Variants in MGA observed in about 807,000 individuals in gnomAD.
MGA encodes the protein MAX dimerization protein MGA.
A neutral mutation model predicts 261.1 loss-of-function variants in MGA; 40 were observed. The ratio of observed to expected loss-of-function variants is 0.15; its 90% confidence interval spans 0.12 to 0.20. The LOEUF (loss-of-function observed/expected upper bound fraction) is 0.20. Ranked by LOEUF, MGA falls within the 10% of genes least tolerant of loss-of-function variation. The probability of loss-of-function intolerance (pLI) is 1.00; values close to 1 mark genes in which losing one functional copy is unlikely to be tolerated. For synonymous variants in MGA, 1,302 were observed against 1,290.6 expected (o/e 1.01, Z -0.19); for missense variants, 3,397 against 3,630.5 (o/e 0.94, Z 1.65).
intron 2 of MGA, among the ~76,000 whole-genome samples, chr15:41,689,602 G>A (rs1028012728): frequency 1.4e-5 from 2 of 143,274 alleles, no homozygotes; most frequent in Admixed American, 1.4e-4. Flanking sequence ...GTCTCACTCT[G>A]TCACCCAGGC....
At chr15:41,724,108 A>G (rs1470541352) in intron 9 of MGA, among the ~76,000 whole-genome samples, 2 of 152,206 alleles carry the variant, frequency 1.3e-5, no homozygotes, top group Non-Finnish European at 1.5e-5. Context: ...TAGAAGTCCA[A>G]GATGTCTTGC....
chr15:41,765,126 C>G, intron 23 of MGA, 64 bp downstream of exon 23: 2 of 1,551,076 alleles, frequency 1.3e-6, no homozygotes, highest in South Asian at 1.1e-5. Flanking sequence ...TCACGGTGAC[C>G]AAGGAAGGCT....
intron 16 of MGA, 70 bp downstream of exon 16, chr15:41,748,997 A>T: frequency 6.4e-7 from 1 of 1,555,006 alleles, no homozygotes; most frequent in Non-Finnish European, 8.7e-7. Context: ...TAATACACCA[A>T]GATTGTTTTT....
Position 41,664,969 on chromosome 15 carries a change from G to T in MGA, c.-67-3859G>T, listed in dbSNP as rs1326469794. ...CTTCACATCAGAGGAGAGATTTTTTGTTGTTGTTGTTCCTGACCTTTCCTG... is the reference window on the plus strand; with the variant it reads ...CTTCACATCAGAGGAGAGATTTTTTTTTGTTGTTGTTCCTGACCTTTCCTG... On this transcript the variant is annotated intron_variant, in intron 1 of 23. Transcript: ENST00000219905. Among the ~76,000 whole-genome samples, 5 of 152,040 alleles carry T rather than the reference G, an allele frequency of 3.3e-5. No homozygotes were observed. In the East Asian group the frequency reaches 5.8e-4, roughly 18 times the overall value.
intron 15 of MGA, among the ~76,000 whole-genome samples, chr15:41,743,517 A>G (rs982373608): frequency 1.2e-4 from 19 of 152,230 alleles, no homozygotes; most frequent in African/African-American, 4.1e-4. Context: ...AAACATTACA[A>G]TGGAAGTGGT....
At chr15:41,706,870 G>A (rs986310591) in intron 5 of MGA, among the ~76,000 whole-genome samples, 3 of 152,028 alleles carry the variant, frequency 2.0e-5, no homozygotes, top group African/African-American at 7.2e-5. Context: ...CACCAGCTCC[G>A]GCCAATAATT....
intron 1 of MGA, among the ~76,000 whole-genome samples, chr15:41,663,601 C>T (rs1176494556): frequency 6.6e-6 from 1 of 151,966 alleles, no homozygotes; most frequent in African/African-American, 2.4e-5. Context: ...TCCCGAGTAG[C>T]TGGGACTACA....
intron 2 of MGA, among the ~76,000 whole-genome samples, chr15:41,683,234 A>G (rs2058767060): frequency 6.6e-6 from 1 of 151,824 alleles, no homozygotes; most frequent in Non-Finnish European, 1.5e-5. Flanking sequence ...ATTTTTTTAA[A>G]TTGAGACAGG....
rs191149855 is a variant in MGA, at chr15:41,679,031, A to G, written c.1064+9073A>G. On this transcript the variant is annotated intron_variant, in intron 2 of 23. Transcript: ENST00000219905. ...GCTATTTAAAGCCCCTTGAGATTCC[A>G]TTTTCTTTTCTTTTTCTTTTTTGAG... Among the ~76,000 whole-genome samples, 813 of 151,514 alleles carry G rather than the reference A, an allele frequency of 5.4e-3. 5 individuals are homozygous for G. The highest frequency in any genetic ancestry group is 9.7e-3 in the Non-Finnish European group (657 of 67,820).
intron 1 of MGA, among the ~76,000 whole-genome samples, chr15:41,646,311 T>C (rs920355206): frequency 3.3e-5 from 5 of 151,914 alleles, no homozygotes; most frequent in African/African-American, 1.2e-4. Flanking sequence ...TGAGGAGATA[T>C]TCCATTTTAT....
rs146469566 is a variant in MGA at position 41,768,003 on chromosome 15, A to C, written c.*723A>C. On this transcript the variant is annotated 3_prime_UTR_variant, in exon 24 of 24. Coordinates refer to ENST00000219905, the MANE Select transcript of MGA (RefSeq NM_001164273.2). ...TTGTGGGCATTGAAAAGCTCATTTC[A>C]CAGTACCAGAGATTTTTACTGGGAG... The C allele has an allele frequency of 3.0e-4, 46 of 152,610 alleles. 1 individual carries two copies. The highest frequency in any genetic ancestry group is 1.1e-3 in the African/African-American group (45 of 41,552). The allele number at this position is 152,610 out of a possible 1,614,324, so 9.5% of individuals were successfully genotyped here.
rs759380759 is a variant in MGA, at chr15:41,708,101, T to C, written c.2321-3T>C. The C allele has an allele frequency of 1.7e-5, 27 of 1,565,904 alleles. No individual in the cohort carries two copies. The highest frequency in any genetic ancestry group is 2.0e-5 in the Non-Finnish European group (23 of 1,156,898). On this transcript the variant is annotated splice_polypyrimidine_tract_variant and splice_region_variant and intron_variant, in intron 6 of 23. Coordinates refer to ENST00000219905, the MANE Select transcript of MGA (RefSeq NM_001164273.2). ...GTCATCTGTTTGACTTTTTCTTTTATAGATGCGGGATTTCCCTTTGTTTCT... is the reference window on the plus strand; with the variant it reads ...GTCATCTGTTTGACTTTTTCTTTTACAGATGCGGGATTTCCCTTTGTTTCT...
chr15:41,730,653 T>C (rs2061459654), intron 11 of MGA, among the ~76,000 whole-genome samples: 1 of 152,202 alleles, frequency 6.6e-6, no homozygotes, highest in South Asian at 2.1e-4. Context: ...GAATGACAGC[T>C]TTTTTCAGTA....
chr15:41,679,449 ATCTT>A (rs1392350539), intron 2 of MGA, among the ~76,000 whole-genome samples: 1 of 152,212 alleles, frequency 6.6e-6, no homozygotes, highest in African/African-American at 2.4e-5. Flanking sequence ...AACATGGGAT[ATCTT>A]TCCATTTTAA....
chr15:41,628,449 A>G (rs558856637), intron 1 of MGA, among the ~76,000 whole-genome samples: 2 of 150,576 alleles, frequency 1.3e-5, no homozygotes, highest in South Asian at 4.3e-4. Context: ...TGGTTCTTTT[A>G]GGTGGGTTGC....
chr15:41,722,729 G>C (rs990708890), intron 9 of MGA, among the ~76,000 whole-genome samples: 1 of 152,182 alleles, frequency 6.6e-6, no homozygotes, highest in African/African-American at 2.4e-5. Context: ...AGCATGGTGT[G>C]TTAGTGTGCT....
At chr15:41,690,742 G>GGT (rs1327969107) in intron 2 of MGA, among the ~76,000 whole-genome samples, 29 of 152,194 alleles carry the variant, frequency 1.9e-4, no homozygotes, top group Middle Eastern at 3.4e-3. Context: ...TGAGTGGTGT[G>GGT]GTGGTATGTG....
chr15:41,656,344 T>TCTCTCTCTCTCTCTCTC (rs149903830), upstream of MGA, among the ~76,000 whole-genome samples: 177 of 59,914 alleles, frequency 3.0e-3, 5 homozygotes, highest in Middle Eastern at 9.4e-3. Flanking sequence ...CTCTCCTCTC[T>TCTCTCTCTCTCTCTCTC]TCTCTCTCTC....
rs2061767311 is a variant in MGA, at chr15:41,736,165, T to C, written c.3917-16T>C. 1 of 1,490,066 alleles carries C rather than the reference T, an allele frequency of 6.7e-7. No individual in the cohort carries two copies. The allele number at this position is 1,490,066 out of a possible 1,614,324, so 92.3% of individuals were successfully genotyped here. A position where few individuals can be genotyped will look rare whatever the true frequency, so the allele number is the denominator to read the frequency against. On this transcript the variant is annotated splice_polypyrimidine_tract_variant and intron_variant, in intron 12 of 23. Coordinates refer to ENST00000219905, the MANE Select transcript of MGA (RefSeq NM_001164273.2). The stretch of plus-strand genomic sequence containing the variant: ...AATCTTTCAACTTTTTCTTTTTTAT[T>C]ATTATTTTACATCAGAAAAGAGCTG...
Sources: gnomAD v4.1 joint callset for allele counts (sites outside exome capture counted in the v4.1 genomes callset) on GRCh38, gnomAD v4.1.1 for gene constraint, MANE v1.5 for transcripts, NCBI Gene and HGNC (gene_info 2026-07-23, HGNC 2026-07-21) for gene names.